PCDH11X: variants seen among roughly 807,000 people sequenced by gnomAD.
PCDH11X encodes protocadherin 11 X-linked, also known as protocadherin-11 X-linked.
Under a neutral mutation model 53.3 loss-of-function variants are expected in PCDH11X, and 18 were observed. The ratio of observed to expected loss-of-function variants is 0.34; its 90% CI spans 0.23 to 0.50. The LOEUF is 0.50. Ranked by LOEUF, PCDH11X falls within the 20% of genes least tolerant of loss-of-function variation. The probability of loss-of-function intolerance (pLI) is 0.98; values close to 1 mark genes in which losing one functional copy is unlikely to be tolerated. For synonymous variants in PCDH11X, 279 were observed against 393.3 expected (o/e 0.71, Z 3.44); for missense variants, 570 against 1,032.4 (o/e 0.55, Z 6.14).
chrX:91,978,280 G>A (rs1404008491), intron 6 of PCDH11X, among the ~76,000 whole-genome samples: 3 of 108,024 alleles, frequency 2.8e-5, no homozygotes, highest in South Asian at 4.3e-4. Context: ...TACTCACTTT[G>A]ACTTTCTCCC....
At position 91,811,258 on chromosome X, in the gene PCDH11X, G is replaced by A; in HGVS notation, c.-82G>A. ...ACAGCTGATTGCAGAGCACTATGAG[G>A]ACTGAACGACAGTGGGTTTTAATTC... On this transcript the variant is annotated 5_prime_UTR_variant, in exon 4 of 11. Coordinates refer to ENST00000682573, the MANE Select transcript of PCDH11X (RefSeq NM_032968.5). 6.6e-6 allele frequency: 8 copies of A among 1,209,049 alleles called. No individual in the cohort carries two copies. Among genetic ancestry groups the A allele is most frequent in the Non-Finnish European group, 7.8e-6 (7 of 893,836 alleles).
At chrX:92,018,430 A>G (rs1382786018) in intron 6 of PCDH11X, among the ~76,000 whole-genome samples, 1 of 111,969 alleles carries the variant, frequency 8.9e-6, no homozygotes, top group South Asian at 3.7e-4. Context: ...ATTGACCAGG[A>G]TGTATAGAGT....
intron 7 of PCDH11X, among the ~76,000 whole-genome samples, chrX:92,205,587 C>T (rs66534942): frequency 0.17 from 15,917 of 95,325 alleles, 1,246 homozygotes; most frequent in Admixed American, 0.33. Flanking sequence ...TAAGAAGATG[C>T]TAAATCAATG....
intron 6 of PCDH11X, among the ~76,000 whole-genome samples, chrX:92,072,268 T>G (rs1270865109): frequency 1.8e-5 from 2 of 110,738 alleles, no homozygotes; most frequent in Non-Finnish European, 3.8e-5. Context: ...CCCAAAAGAC[T>G]GCTTGTTGCT....
chrX:91,812,354 C>T lies in PCDH11X; in HGVS notation c.-45+1059C>T, dbSNP rs566448320. 9.1e-4 allele frequency among the ~76,000 whole-genome samples: 100 copies of T among 110,210 alleles called. No individual in the cohort carries two copies. The South Asian group carries it at 0.039, about 43-fold the overall frequency. The stretch of plus-strand genomic sequence containing the variant: ...TTCTTTTTCTTGTTCCCTTCTATTC[C>T]CTCCATTACTCCTCTGTCACTTCCA... On this transcript the variant is annotated intron_variant, in intron 4 of 10. Transcript: ENST00000682573.
intron 6 of PCDH11X, among the ~76,000 whole-genome samples, chrX:92,060,546 T>C (rs2759879): frequency 0.29 from 31,059 of 108,585 alleles, 5,312 homozygotes; most frequent in African/African-American, 0.61. Context: ...TCCATGTGTA[T>C]TCAATGATTA....
intron 10 of PCDH11X, among the ~76,000 whole-genome samples, chrX:92,528,964 A>C (rs1444180818): frequency 1.1e-4 from 12 of 110,698 alleles, no homozygotes; most frequent in African/African-American, 3.9e-4. Context: ...TGCATGAGAT[A>C]ATTAGATCCA....
chrX:91,987,868 A>G (rs994302054), intron 6 of PCDH11X, among the ~76,000 whole-genome samples: 1 of 110,954 alleles, frequency 9.0e-6, no homozygotes, highest in Non-Finnish European at 1.9e-5. Flanking sequence ...AAACTATTGA[A>G]AATTATTTAA....
intron 6 of PCDH11X, among the ~76,000 whole-genome samples, chrX:92,124,254 G>A (rs2064822081): frequency 9.0e-6 from 1 of 110,698 alleles, no homozygotes; most frequent in Non-Finnish European, 1.9e-5. Context: ...GGGTAAAATA[G>A]GCCTAGTACA....
intron 10 of PCDH11X, among the ~76,000 whole-genome samples, chrX:92,494,839 A>G (rs1199042580): frequency 1.1e-5 from 1 of 91,868 alleles, no homozygotes; most frequent in Non-Finnish European, 2.2e-5. Context: ...CTCATTTTAC[A>G]GTTGTTTATA....
At chrX:92,030,714 G>T (rs1396497812) in intron 6 of PCDH11X, among the ~76,000 whole-genome samples, 1 of 107,604 alleles carries the variant, frequency 9.3e-6, no homozygotes, top group Non-Finnish European at 1.9e-5. Context: ...TTCATTTATA[G>T]ATCCCACAAA....
intron 10 of PCDH11X, among the ~76,000 whole-genome samples, chrX:92,496,951 T>G (rs2073870763): frequency 9.1e-6 from 1 of 110,481 alleles, no homozygotes; most frequent in South Asian, 3.8e-4. Flanking sequence ...CTTGAGACTC[T>G]TACCTTTGTG....
chrX:92,478,866 A>G (rs1015056119), intron 10 of PCDH11X, among the ~76,000 whole-genome samples: 2 of 110,999 alleles, frequency 1.8e-5, no homozygotes, highest in Non-Finnish European at 3.8e-5. Context: ...TTGGGTAGAG[A>G]TTTCTGTAAA....
chrX:92,162,803 T>G (rs984360146), intron 6 of PCDH11X, among the ~76,000 whole-genome samples: 19 of 104,946 alleles, frequency 1.8e-4, no homozygotes, highest in African/African-American at 6.3e-4. Context: ...ATTTTTGTGC[T>G]GGTTGGCCAC....
intron 8 of PCDH11X, among the ~76,000 whole-genome samples, chrX:92,316,267 C>G (rs1324896233): frequency 9.1e-6 from 1 of 110,408 alleles, no homozygotes; most frequent in Non-Finnish European, 1.9e-5. Flanking sequence ...AAATGCTAGG[C>G]AAATAATATT....
intron 9 of PCDH11X, among the ~76,000 whole-genome samples, chrX:92,435,451 C>G (rs953795251): frequency 3.7e-4 from 41 of 110,340 alleles, no homozygotes; most frequent in African/African-American, 1.3e-3. Flanking sequence ...CCTAAAAAAT[C>G]AGACACAAGA....
chrX:91,955,236 C>T (rs759251804), intron 6 of PCDH11X, among the ~76,000 whole-genome samples: 7 of 109,968 alleles, frequency 6.4e-5, no homozygotes, highest in African/African-American at 1.3e-4. Context: ...TGGCTTTTGT[C>T]GATTTTGTCA....
At chrX:92,600,021 A>G (rs1926057769) in intron 10 of PCDH11X, among the ~76,000 whole-genome samples, 1 of 109,365 alleles carries the variant, frequency 9.1e-6, no homozygotes, top group Non-Finnish European at 1.9e-5. Flanking sequence ...GCAGTAAAGC[A>G]TTCAAGAGGT....
intron 6 of PCDH11X, among the ~76,000 whole-genome samples, chrX:91,894,991 G>A (rs1273340885): frequency 9.1e-6 from 1 of 110,381 alleles, no homozygotes; most frequent in Non-Finnish European, 1.9e-5. Context: ...GTTCACATAG[G>A]GGCATGCACC....
Sources: allele counts gnomAD v4.1 joint callset (sites outside exome capture counted in the v4.1 genomes callset), GRCh38; gene constraint gnomAD v4.1.1; transcripts MANE v1.5; gene names NCBI Gene and HGNC (gene_info 2026-07-23, HGNC 2026-07-21).